The following SEMA3E variants were observed in gnomAD, a reference collection of about 807,000 sequenced individuals.
SEMA3E encodes the protein semaphorin-3E.
SEMA3E carries 49 observed loss-of-function variants against 93.6 expected under a neutral mutation model. That is an observed-to-expected ratio of 0.52 (90% CI 0.42 to 0.66). The LOEUF (loss-of-function observed/expected upper bound fraction) is 0.66, where lower values mean the gene tolerates loss of function less well. Ranked by LOEUF, SEMA3E falls within the 30% of genes least tolerant of loss-of-function variation. The pLI is 0.00. For synonymous variants in SEMA3E, 363 were observed against 330.7 expected, an observed-to-expected ratio of 1.10 and a Z score of -1.06; for missense variants, 906 against 964.8, an observed-to-expected ratio of 0.94 and a Z score of 0.81.
At position 83,574,934 on chromosome 7, in the gene SEMA3E, T is replaced by C. The variant is rs116601719; in HGVS notation, c.115+73494A>G. Among the ~76,000 whole-genome samples, 824 of 152,268 alleles carry C rather than the reference T, an allele frequency of 5.4e-3. 8 individuals carry two copies. The highest frequency in any genetic ancestry group is 0.019 in the African/African-American group (785 of 41,556). On this transcript the variant is annotated intron_variant, in intron 1 of 16. Transcript: ENST00000643230. ...AAGTGACTGAGGTGTTTTCAATCAC[T>C]AAGTTTTGGGATAGTTTGATATAGA...
At chr7:83,596,607 C>G (rs1317268823) in intron 1 of SEMA3E, among the ~76,000 whole-genome samples, 1 of 152,078 alleles carries the variant, frequency 6.6e-6, no homozygotes, top group African/African-American at 2.4e-5. Context: ...AATCCTGGCT[C>G]TCCACCCTAC....
intron 2 of SEMA3E, among the ~76,000 whole-genome samples, chr7:83,488,108 AGAGT>A (rs1790304157): frequency 6.6e-6 from 1 of 151,874 alleles, no homozygotes; most frequent in Non-Finnish European, 1.5e-5. Context: ...AGAAGCCTAG[AGAGT>A]GAGAAGAGGG....
At chr7:83,373,549 A>C (rs1184904580) in intron 16 of SEMA3E, among the ~76,000 whole-genome samples, 1 of 152,192 alleles carries the variant, frequency 6.6e-6, no homozygotes, top group Non-Finnish European at 1.5e-5. Context: ...GACAGGATGA[A>C]TTGTTTAAAA....
intron 1 of SEMA3E, among the ~76,000 whole-genome samples, chr7:83,582,628 C>A (rs56022245): frequency 1.3e-5 from 2 of 151,888 alleles, no homozygotes; most frequent in African/African-American, 4.8e-5. Context: ...AAATAATGAC[C>A]AATATTTTAT....
At chr7:83,647,295 C>G (rs1218253913) in intron 1 of SEMA3E, among the ~76,000 whole-genome samples, 1 of 152,110 alleles carries the variant, frequency 6.6e-6, no homozygotes, top group Non-Finnish European at 1.5e-5. Context: ...AAACGTGTCA[C>G]ATAAAATTGA....
In SEMA3E at chr7:83,418,563, C is replaced by G. The variant is rs906477900; in HGVS notation, c.457-80G>C. 19 of 959,086 alleles carry G rather than the reference C, an allele frequency of 2.0e-5. No individual in the cohort carries two copies. In the Admixed American group the frequency reaches 2.4e-4, roughly 12 times the overall value. 59.4% of individuals were successfully genotyped at this position (959,086 alleles called of 1,614,324 possible). On this transcript the variant is annotated intron_variant, in intron 4 of 16. Coordinates refer to ENST00000643230, the MANE Select transcript of SEMA3E (RefSeq NM_012431.3). The stretch of plus-strand genomic sequence containing the variant: ...AATTCCTTAGGTAAAACATATGAAA[C>G]TTCGATTATTTATAAAGCATGTATT...
chr7:83,542,594 A>T (rs1791559113), intron 1 of SEMA3E, among the ~76,000 whole-genome samples: 1 of 152,096 alleles, frequency 6.6e-6, no homozygotes. Flanking sequence ...AACAAAATCC[A>T]TAAAAAAAAA....
At chr7:83,466,656 CT>C in intron 3 of SEMA3E, 55 bp from the exon 4 acceptor site, 2 of 1,601,056 alleles carry the variant, frequency 1.2e-6, no homozygotes, top group Non-Finnish European at 1.7e-6. Flanking sequence ...ATGTTTCGTC[CT>C]TTTTGATTTT....
chr7:83,464,684 C>T (rs1390284723), intron 4 of SEMA3E, among the ~76,000 whole-genome samples: 1 of 131,878 alleles, frequency 7.6e-6, no homozygotes, highest in African/African-American at 2.6e-5. Context: ...CATCCAAAAC[C>T]GTATCCAGGC....
At chr7:83,431,022 T>C (rs1011178696) in intron 4 of SEMA3E, among the ~76,000 whole-genome samples, 4 of 151,468 alleles carry the variant, frequency 2.6e-5, no homozygotes, top group South Asian at 2.1e-4. Context: ...CATGAAAACA[T>C]TGATTATTAA....
chr7:83,462,010 G>C (rs1014912320), intron 4 of SEMA3E: 1 of 152,248 alleles, frequency 6.6e-6, no homozygotes, highest in African/African-American at 2.4e-5. Context: ...TGTCCCATCT[G>C]TGTGGGACCC....
At position 83,564,795 on chromosome 7, in the gene SEMA3E, A is replaced by G. The variant is rs568191315; in HGVS notation, c.116-74521T>C. ...AAAGATGACAATTACATGGTTGGCT[A>G]AAAAAAGGATACAAATAATTTTTTA... On this transcript the variant is annotated intron_variant, in intron 1 of 16. Coordinates refer to ENST00000643230, the MANE Select transcript of SEMA3E (RefSeq NM_012431.3). Among the ~76,000 whole-genome samples the G allele has an allele frequency of 3.3e-5, 5 of 152,274 alleles. No individual in the cohort carries two copies. The South Asian group carries it at 1.0e-3, about 32-fold the overall frequency.
At chr7:83,634,119 A>G (rs1793836066) in intron 1 of SEMA3E, among the ~76,000 whole-genome samples, 1 of 152,212 alleles carries the variant, frequency 6.6e-6, no homozygotes, top group Non-Finnish European at 1.5e-5. Flanking sequence ...TTAAAACAAT[A>G]TATTACTATT....
chr7:83,466,620 G>A lies in SEMA3E; in HGVS notation c.337-19C>T. ...ATTCACCCTAAAGCAGGAAAAAAAGGGAAGGAATCTATCAGTATAATAAAC... is the reference window on the plus strand; with the variant it reads ...ATTCACCCTAAAGCAGGAAAAAAAGAGAAGGAATCTATCAGTATAATAAAC... On this transcript the variant is annotated intron_variant, in intron 3 of 16. Coordinates refer to ENST00000643230, the MANE Select transcript of SEMA3E (RefSeq NM_012431.3). 1.2e-6 allele frequency: 2 copies of A among 1,611,636 alleles called. No individual in the cohort carries two copies. The highest frequency in any genetic ancestry group is 8.5e-7 in the Non-Finnish European group (1 of 1,179,872).
At chr7:83,620,085 A>C (rs1373755497) in intron 1 of SEMA3E, among the ~76,000 whole-genome samples, 2 of 151,922 alleles carry the variant, frequency 1.3e-5, no homozygotes, top group African/African-American at 4.8e-5. Flanking sequence ...GAAAAGAGGG[A>C]GTTTCTCATT....
intron 2 of SEMA3E, among the ~76,000 whole-genome samples, chr7:83,475,206 T>C (rs1454656520): frequency 1.3e-5 from 2 of 152,116 alleles, no homozygotes; most frequent in African/African-American, 4.8e-5. Flanking sequence ...TTCATTATTA[T>C]GTAAAATGAA....
At chr7:83,569,714 G>A (rs1041203757) in intron 1 of SEMA3E, among the ~76,000 whole-genome samples, 7 of 152,074 alleles carry the variant, frequency 4.6e-5, no homozygotes, top group African/African-American at 1.2e-4. Flanking sequence ...ACCCACGATC[G>A]GAGCACTGAG....
At chr7:83,384,905 G>A (rs575644898) in intron 16 of SEMA3E, among the ~76,000 whole-genome samples, 60 of 151,864 alleles carry the variant, frequency 4.0e-4, no homozygotes, top group Non-Finnish European at 7.8e-4. Context: ...AGACATATGT[G>A]TTAATGATAA....
chr7:83,488,803 A>G (rs536295371), intron 2 of SEMA3E, among the ~76,000 whole-genome samples: 1 of 152,220 alleles, frequency 6.6e-6, no homozygotes, highest in East Asian at 1.9e-4. Flanking sequence ...TTCAATTAAA[A>G]ACCAAAACAT....
Sources: allele counts gnomAD v4.1 joint callset (sites outside exome capture counted in the v4.1 genomes callset), GRCh38; gene constraint gnomAD v4.1.1; transcripts MANE v1.5; gene names NCBI Gene and HGNC (gene_info 2026-07-23, HGNC 2026-07-21).